The following ATP10B variants were observed in gnomAD, a reference collection of about 807,000 sequenced individuals.
ATP10B encodes the protein phospholipid-transporting ATPase VB.
A neutral mutation model predicts 141.2 loss-of-function variants in ATP10B; 122 were observed. The ratio of observed to expected loss-of-function variants is 0.86; its 90% CI spans 0.75 to 1.00. The LOEUF (loss-of-function observed/expected upper bound fraction) is 1.00, where lower values mean the gene tolerates loss of function less well. Among genes scored for constraint, ATP10B ranks in the 50% least tolerant of loss-of-function variants. The probability of loss-of-function intolerance (pLI) is 0.00; values close to 1 mark genes in which losing one functional copy is unlikely to be tolerated. For missense variants in ATP10B, 1,876 were observed against 1,825.3 expected, an observed-to-expected ratio of 1.03 and a Z score of -0.51; for synonymous variants, 685 against 692.0, an observed-to-expected ratio of 0.99 and a Z score of 0.16.
At chr5:160,777,405 G>T (rs1226919441) in intron 2 of ATP10B, among the ~76,000 whole-genome samples, 1 of 152,212 alleles carries the variant, frequency 6.6e-6, no homozygotes, top group Non-Finnish European at 1.5e-5. Flanking sequence ...GCCAGTCCAT[G>T]GAAGAGTTCC....
At chr5:160,661,798 G>C (rs187666452) in intron 7 of ATP10B, among the ~76,000 whole-genome samples, 16 of 152,214 alleles carry the variant, frequency 1.1e-4, no homozygotes, top group African/African-American at 3.9e-4. Flanking sequence ...TTCTGGCCAG[G>C]GCAATCAGGC....
chr5:160,785,368 C>T (rs989725273), intron 2 of ATP10B, among the ~76,000 whole-genome samples, 191 bp downstream of exon 2: 1 of 152,010 alleles, frequency 6.6e-6, no homozygotes, highest in Non-Finnish European at 1.5e-5. Context: ...ATCTGACATA[C>T]CAGATCAGCT....
At chr5:160,652,603 C>T (rs1041463949) in intron 7 of ATP10B, among the ~76,000 whole-genome samples, 3 of 140,792 alleles carry the variant, frequency 2.1e-5, no homozygotes, top group Admixed American at 7.6e-5. Context: ...GGACTACAGG[C>T]GTGCACCACC....
intron 5 of ATP10B, chr5:160,686,899 C>A (rs998416359): frequency 1.0e-6 from 1 of 962,190 alleles, no homozygotes; most frequent in Non-Finnish European, 1.2e-6. Flanking sequence ...TATATAAGCA[C>A]ATATTTTAAC....
chr5:160,803,073 C>CA (rs1561870304), intron 1 of ATP10B, among the ~76,000 whole-genome samples: 1 of 152,194 alleles, frequency 6.6e-6, no homozygotes, highest in African/African-American at 2.4e-5. Context: ...TGCTCCTGTT[C>CA]AAAAGGCTTC....
intron 13 of ATP10B, among the ~76,000 whole-genome samples, chr5:160,624,591 GCACACA>G (rs965124144): frequency 6.6e-6 from 1 of 152,178 alleles, no homozygotes; most frequent in African/African-American, 2.4e-5. Context: ...CCTGAGAAGG[GCACACA>G]CATATTATCC....
rs537188288 is a variant in ATP10B, at chr5:160,828,639, G to A, written c.-576+23302C>T. 5.3e-5 allele frequency among the ~76,000 whole-genome samples: 8 copies of A among 151,700 alleles called. No individual in the cohort carries two copies. In the South Asian group the frequency reaches 1.7e-3, roughly 31 times the overall value. On this transcript the variant is annotated intron_variant, in intron 1 of 25. Coordinates refer to ENST00000327245, the MANE Select transcript of ATP10B (RefSeq NM_025153.3). Reference sequence around the variant, plus strand: ...GCGAACTAGTTCAACCATTGTGGAAGTCAGTGTGGCGATTCCTCAGGGATC... The same window carrying A: ...GCGAACTAGTTCAACCATTGTGGAAATCAGTGTGGCGATTCCTCAGGGATC...
chr5:160,740,490 G>A (rs543200777), intron 2 of ATP10B, among the ~76,000 whole-genome samples: 15 of 152,194 alleles, frequency 9.9e-5, no homozygotes, highest in African/African-American at 2.4e-4. Flanking sequence ...TCTGCTTATC[G>A]GCCCTGGCTC....
chr5:160,904,727 T>C, the ATP10B span, among the ~76,000 whole-genome samples: 1 of 152,206 alleles, frequency 6.6e-6, no homozygotes, highest in Non-Finnish European at 1.5e-5. Context: ...TGACAGCTAT[T>C]ATAATCATAG....
At chr5:160,880,478 A>G in the ATP10B span, among the ~76,000 whole-genome samples, 34 of 152,114 alleles carry the variant, frequency 2.2e-4, no homozygotes, top group Non-Finnish European at 4.3e-4. Flanking sequence ...TGCAGAATAG[A>G]CAACAGAATA....
At chr5:160,725,500 C>T (rs569442697) in intron 2 of ATP10B, among the ~76,000 whole-genome samples, 1 of 151,902 alleles carries the variant, frequency 6.6e-6, no homozygotes, top group African/African-American at 2.4e-5. Context: ...GGCTGGAGTG[C>T]AGTGGTGCGA....
At chr5:160,808,550 A>C (rs936819330) in intron 1 of ATP10B, among the ~76,000 whole-genome samples, 1 of 152,166 alleles carries the variant, frequency 6.6e-6, no homozygotes, top group Admixed American at 6.5e-5. Flanking sequence ...CATTCCATTT[A>C]ATCAGTTTTA....
At position 160,622,374 on chromosome 5, in the gene ATP10B, C is replaced by A; in HGVS notation, c.1812+20G>T. ...CTCTACCTCCTTTACCCTCCTCCCC[C>A]AGCCATCGCTGGTCCTTACCCTCTG... On this transcript the variant is annotated intron_variant, in intron 14 of 25. Transcript: ENST00000327245. 1 of 1,597,590 alleles carries A rather than the reference C, an allele frequency of 6.3e-7. No individual in the cohort carries two copies. The highest frequency in any genetic ancestry group is 1.1e-5 in the South Asian group (1 of 88,716).
the ATP10B span, among the ~76,000 whole-genome samples, chr5:160,863,464 G>T: frequency 1.8e-4 from 28 of 152,062 alleles, no homozygotes; most frequent in East Asian, 1.9e-3. Flanking sequence ...CAAAAGCTGC[G>T]TTAAGAGGAA....
At chr5:160,916,113 C>A in the ATP10B span, among the ~76,000 whole-genome samples, 1 of 152,174 alleles carries the variant, frequency 6.6e-6, no homozygotes, top group Non-Finnish European at 1.5e-5. Flanking sequence ...TATGGTATAT[C>A]CCTAGTCTAC....
chr5:160,679,073 G>T (rs1409333058), intron 6 of ATP10B, among the ~76,000 whole-genome samples: 1 of 152,184 alleles, frequency 6.6e-6, no homozygotes, highest in African/African-American at 2.4e-5. Context: ...TGCTTAAGTG[G>T]CTTCATTTAG....
At chr5:160,646,804 T>C (rs1279090966) in intron 8 of ATP10B, among the ~76,000 whole-genome samples, 4 of 152,250 alleles carry the variant, frequency 2.6e-5, no homozygotes, top group Non-Finnish European at 4.4e-5. Context: ...TGCTATCTTA[T>C]AGCTGTTGTC....
At chr5:160,828,124 C>T (rs1774773222) in intron 1 of ATP10B, among the ~76,000 whole-genome samples, 1 of 152,150 alleles carries the variant, frequency 6.6e-6, no homozygotes, top group African/African-American at 2.4e-5. Flanking sequence ...AAAACCTAGG[C>T]ATTACCATTC....
intron 10 of ATP10B, among the ~76,000 whole-genome samples, chr5:160,637,125 CATCT>C (rs1468427987): frequency 5.8e-5 from 4 of 68,390 alleles, no homozygotes; most frequent in African/African-American, 7.8e-5. Context: ...CCCATCTATC[CATCT>C]ATCCATCCAT....
Sources: allele counts gnomAD v4.1 joint callset (sites outside exome capture counted in the v4.1 genomes callset), GRCh38; gene constraint gnomAD v4.1.1; transcripts MANE v1.5; gene names NCBI Gene and HGNC (gene_info 2026-07-23, HGNC 2026-07-21).